Variants in SVEP1 observed in about 807,000 individuals in gnomAD.
SVEP1 encodes sushi, von Willebrand factor type A, EGF and pentraxin domain-containing protein 1.
A neutral mutation model predicts 367.3 loss-of-function variants in SVEP1; 164 were observed. The observed-to-expected ratio is 0.45, with a 90% CI of 0.39 to 0.51. The LOEUF (loss-of-function observed/expected upper bound fraction) is 0.51. Among genes scored for constraint, SVEP1 ranks in the 20% least tolerant of loss-of-function variants. The pLI, the probability that SVEP1 is intolerant of heterozygous loss-of-function variation, is 0.00. For synonymous variants in SVEP1, 1,666 were observed against 1,611.6 expected, an observed-to-expected ratio of 1.03 and a Z score of -0.81; for missense variants, 4,117 against 4,425.3, an observed-to-expected ratio of 0.93 and a Z score of 1.98.
Position 110,448,150 on chromosome 9 carries a change from CGCGT to C in SVEP1, c.4104-1097_4104-1094del, listed in dbSNP as rs1564145605. Among the ~76,000 whole-genome samples the C allele has an allele frequency of 6.4e-4, 41 of 64,066 alleles. No individual in the cohort carries two copies. The East Asian group carries it at 0.011, about 18-fold the overall frequency. 42.0% of individuals were successfully genotyped at this position (64,066 alleles called of 152,430 possible). On this transcript the variant is annotated intron_variant, in intron 24 of 47. Coordinates refer to ENST00000374469, the MANE Select transcript of SVEP1 (RefSeq NM_153366.4). ...GTGAATGTGTGTGTGTGTGTGTGTGCGCGTGTGTGTGTGCGCGCGCTCGCGCGTG... is the reference window on the plus strand; with the variant it reads ...GTGAATGTGTGTGTGTGTGTGTGTGCGTGTGTGTGCGCGCGCTCGCGCGTG...
intron 37 of SVEP1, 125 bp downstream of exon 37, chr9:110,410,938 G>A: frequency 2.7e-6 from 2 of 745,374 alleles, no homozygotes; most frequent in Non-Finnish European, 4.1e-6. Flanking sequence ...AGTGATAATA[G>A]TAAATTCCAG....
chr9:110,494,338 G>A (rs772602628), intron 8 of SVEP1, among the ~76,000 whole-genome samples: 2 of 152,154 alleles, frequency 1.3e-5, no homozygotes, highest in African/African-American at 4.8e-5. Flanking sequence ...CCTCTGAGCC[G>A]CAAGAGGAAA....
intron 1 of SVEP1, among the ~76,000 whole-genome samples, chr9:110,570,467 C>CAT (rs372666453): frequency 2.0e-5 from 3 of 146,828 alleles, no homozygotes; most frequent in Non-Finnish European, 4.5e-5. Flanking sequence ...GTTTCTGTTG[C>CAT]GTGTGTGTGT....
At position 110,393,445 on chromosome 9, in the gene SVEP1, C is replaced by T. The variant is rs547471367; in HGVS notation, c.9823-3858G>A. ...TCCAGTCTACAGCTCCCAGCGTGAGCGACGCAGAAGACGGGTGATTTCTGC... is the reference window on the plus strand; with the variant it reads ...TCCAGTCTACAGCTCCCAGCGTGAGTGACGCAGAAGACGGGTGATTTCTGC... On this transcript the variant is annotated intron_variant, in intron 40 of 47. Coordinates refer to ENST00000374469, the MANE Select transcript of SVEP1 (RefSeq NM_153366.4). 5.9e-5 allele frequency among the ~76,000 whole-genome samples: 9 copies of T among 152,282 alleles called. No homozygotes were observed. In the South Asian group the frequency reaches 6.2e-4, roughly 11 times the overall value.
intron 1 of SVEP1, among the ~76,000 whole-genome samples, chr9:110,568,827 T>C (rs1169118911): frequency 2.1e-5 from 3 of 140,566 alleles, no homozygotes; most frequent in Non-Finnish European, 4.7e-5. Context: ...AGGCCAGGAG[T>C]GATGGCTCAT....
At chr9:110,403,309 T>TG (rs1361291112) in intron 39 of SVEP1, among the ~76,000 whole-genome samples, 4 of 132,024 alleles carry the variant, frequency 3.0e-5, no homozygotes, top group African/African-American at 9.2e-5. Context: ...TTTTTTTTTT[T>TG]TTTTTTTTTT....
In SVEP1 at chr9:110,479,626, T is replaced by C. The variant is rs765999609; in HGVS notation, c.2487+9A>G. On this transcript the variant is annotated intron_variant, in intron 13 of 47. Coordinates refer to ENST00000374469, the MANE Select transcript of SVEP1 (RefSeq NM_153366.4). The stretch of plus-strand genomic sequence containing the variant: ...AAGAACACACAATAAATGACCACTA[T>C]TGATGTACCATTTTTCCCAGGGTCG... The C allele has an allele frequency of 8.1e-6, 13 of 1,601,142 alleles. No homozygotes were observed. Among genetic ancestry groups the C allele is most frequent in the Non-Finnish European group, 1.0e-5 (12 of 1,175,976 alleles).
rs1161881046 is a variant in SVEP1 at position 110,579,560 on chromosome 9, C to T, written c.-17G>A. On this transcript the variant is annotated 5_prime_UTR_variant, in exon 1 of 48. Coordinates refer to ENST00000374469, the MANE Select transcript of SVEP1 (RefSeq NM_153366.4). This position sits in a 1 kb window ranked among gnomAD's most constrained non-coding sequence, Gnocchi z 5.3. ...AGGCCACATCGCGCTGGAGACAGAG[C>T]GGCTGCCCCGGAGCGCAGGCGGCGG... 5 of 1,560,624 alleles carry T rather than the reference C, an allele frequency of 3.2e-6. No homozygotes were observed. The highest frequency in any genetic ancestry group is 4.3e-6 in the Non-Finnish European group (5 of 1,158,880).
Position 110,406,980 on chromosome 9 carries a change from G to C in SVEP1, c.8620C>G (p.Leu2874Val). ...LLEGARSRVC[L>V]ANGSWSGATP... is the part of the protein sequence containing the mutation. The stretch of plus-strand genomic sequence containing the variant: ...GCTCCACTCCAACTTCCATTGGCAA[G>C]ACAAACCCGACTCCTGGCTCCCTCA... Residue 2874 changes from leucine to valine, a missense_variant, in exon 38 of 48, where the codon CTT becomes GTT. By Grantham distance (32) the Leu-to-Val change is conservative (BLOSUM62 1). This residue lies in a region of SVEP1 where 1,765 missense variants were observed against 1,781.1 expected (regional missense o/e 0.99). Transcript: ENST00000374469. The C allele has an allele frequency of 6.2e-7, 1 of 1,613,968 alleles. No homozygotes were observed. Among genetic ancestry groups the C allele is most frequent in the Non-Finnish European group, 8.5e-7 (1 of 1,179,906 alleles).
rs1827401751 is a variant in SVEP1, at chr9:110,379,437, A to G, written c.10318T>C (p.Tyr3440His). The G allele has an allele frequency of 1.2e-6, 2 of 1,613,712 alleles. No homozygotes were observed. Among genetic ancestry groups the G allele is most frequent in the Admixed American group, 1.7e-5 (1 of 59,986 alleles). The change falls in exon 44 of 48, where the codon TAC becomes CAC. Residue 3440 changes from tyrosine to histidine, a missense_variant. This residue lies in a region of SVEP1 where 1,765 missense variants were observed against 1,781.1 expected (regional missense o/e 0.99). Coordinates refer to ENST00000374469, the MANE Select transcript of SVEP1 (RefSeq NM_153366.4). ...AACATGTATCCACTGTAACATGAGT[A>G]GGTGATCATGTCTCCATATTGATAA... ...VHYQYGDMIT[Y>H]SCYSGYMLEG...
At position 110,488,707 on chromosome 9, in the gene SVEP1, A is replaced by T. The variant is rs192852894; in HGVS notation, c.1930+943T>A. Among the ~76,000 whole-genome samples, 376 of 99,628 alleles carry T rather than the reference A, an allele frequency of 3.8e-3. 1 individual carries two copies. Among genetic ancestry groups the T allele is most frequent in the African/African-American group, 9.7e-3 (346 of 35,572 alleles). The allele number at this position is 99,628 out of a possible 152,430, so 65.4% of individuals were successfully genotyped here. On this transcript the variant is annotated intron_variant, in intron 9 of 47. Coordinates refer to ENST00000374469, the MANE Select transcript of SVEP1 (RefSeq NM_153366.4). ...GAGACCTTGTCTCTACAAAAAAATTAAAAAAAAACAAAACAAATTAGCTGG... is the reference window on the plus strand; with the variant it reads ...GAGACCTTGTCTCTACAAAAAAATTTAAAAAAAACAAAACAAATTAGCTGG...
At chr9:110,425,844 A>G (rs1317062630) in intron 36 of SVEP1, among the ~76,000 whole-genome samples, 2 of 152,226 alleles carry the variant, frequency 1.3e-5, no homozygotes, top group Non-Finnish European at 2.9e-5. Context: ...TCTAGGAAGA[A>G]ATGAAGTAAA....
At chr9:110,436,803 G>A (rs767325215) in intron 27 of SVEP1, among the ~76,000 whole-genome samples, 3 of 151,984 alleles carry the variant, frequency 2.0e-5, no homozygotes, top group Non-Finnish European at 4.4e-5. Flanking sequence ...GTGTTATTTT[G>A]CTTACTTTCT....
In SVEP1 at chr9:110,411,303, G is replaced by A. The variant is rs377166440; in HGVS notation, c.6408C>T (p.Pro2136=). The change falls in exon 37 of 48, where the codon CCC becomes CCT. Residue 2136 remains proline, a synonymous_variant. Transcript: ENST00000374469. ...GCACAGGGATGCACTGGATGGACAT[G>A]GGGGAAGGGTTCCACTGCCCACCTC... ...CMRGGQWNPS[P]MSIQCIPVRC... The A allele has an allele frequency of 6.1e-5, 99 of 1,613,888 alleles. No homozygotes were observed. The highest frequency in any genetic ancestry group is 8.0e-5 in the Non-Finnish European group (94 of 1,179,906).
chr9:110,483,561 G>T, intron 10 of SVEP1, 25 bp downstream of exon 10: 1 of 1,560,466 alleles, frequency 6.4e-7, no homozygotes, highest in South Asian at 1.2e-5. Context: ...CTACTATGCT[G>T]ACAACAAAGT....
chr9:110,488,963 T>A (rs777610691), intron 9 of SVEP1, among the ~76,000 whole-genome samples: 3 of 152,086 alleles, frequency 2.0e-5, no homozygotes, highest in Admixed American at 6.6e-5. Context: ...CCAGAGATCA[T>A]TGGTGACTTT....
intron 14 of SVEP1, among the ~76,000 whole-genome samples, chr9:110,475,162 TA>T (rs747583490): frequency 6.6e-6 from 1 of 152,094 alleles, no homozygotes; most frequent in Admixed American, 6.6e-5. Context: ...AAATGATATT[TA>T]AAAAAATTTA....
At chr9:110,518,315 G>T (rs1829833946) in intron 3 of SVEP1, among the ~76,000 whole-genome samples, 1 of 151,892 alleles carries the variant, frequency 6.6e-6, no homozygotes, top group African/African-American at 2.4e-5. Context: ...CCAGCTATTT[G>T]GGAGGCAGAG....
chr9:110,435,965 C>T (rs1376962964), intron 28 of SVEP1, among the ~76,000 whole-genome samples: 2 of 152,008 alleles, frequency 1.3e-5, no homozygotes. Context: ...AGCTGTTTGA[C>T]TCTAGGCTGG....
Sources: gnomAD v4.1 joint callset for allele counts (sites outside exome capture counted in the v4.1 genomes callset) on GRCh38, gnomAD v4.1.1 for gene constraint, gnomAD v4.1.1 regional missense constraint, Gnocchi (gnomAD v3.1) non-coding constraint, MANE v1.5 for transcripts, NCBI Gene and HGNC (gene_info 2026-07-23, HGNC 2026-07-21) for gene names.